PPFIA2: variants seen among roughly 807,000 people sequenced by gnomAD.
PPFIA2 encodes the protein PPFI scaffold protein A2, also known as liprin-alpha-2.
PPFIA2 carries 46 observed loss-of-function variants against 175.5 expected under a neutral mutation model. That is an observed-to-expected ratio of 0.26 (90% CI 0.21 to 0.34). The LOEUF is 0.34. Among genes scored for constraint, PPFIA2 ranks in the 10% least tolerant of loss-of-function variants. The probability of loss-of-function intolerance (pLI) is 1.00; values close to 1 mark genes in which losing one functional copy is unlikely to be tolerated. For synonymous variants in PPFIA2, 568 were observed against 511.4 expected (o/e 1.11, Z -1.49); for missense variants, 1,179 against 1,506.1 (o/e 0.78, Z 3.60).
At chr12:81,292,998 A>T (rs934827494) in intron 24 of PPFIA2, 2 of 152,028 alleles carry the variant, frequency 1.3e-5, no homozygotes, top group African/African-American at 2.4e-5. Context: ...GTATACTGGG[A>T]AGGAAAATGT....
At chr12:81,378,204 C>T (rs2036833093) in intron 9 of PPFIA2, 1 of 151,978 alleles carries the variant, frequency 6.6e-6, no homozygotes, top group Non-Finnish European at 1.5e-5. Context: ...GCCTCCAAAA[C>T]AGTGAGTGAC....
chr12:81,602,236 C>T lies in PPFIA2; in HGVS notation c.303+74555G>A, dbSNP rs115667163. Among the ~76,000 whole-genome samples, 961 of 149,260 alleles carry T rather than the reference C, an allele frequency of 6.4e-3. 13 individuals are homozygous for T. Among genetic ancestry groups the T allele is most frequent in the African/African-American group, 0.023 (919 of 39,136 alleles). On this transcript the variant is annotated intron_variant, in intron 4 of 32. Transcript: ENST00000549396. Reference sequence around the variant, plus strand: ...AGAACAGAATAAATATATTAAAATGCTGATAAACAGAGAAAATACAATATT... The same window carrying T: ...AGAACAGAATAAATATATTAAAATGTTGATAAACAGAGAAAATACAATATT...
At chr12:81,379,801 T>G (rs1054419515) in intron 9 of PPFIA2, among the ~76,000 whole-genome samples, 1 of 152,196 alleles carries the variant, frequency 6.6e-6, no homozygotes, top group Non-Finnish European at 1.5e-5. Context: ...AAAAGTATAT[T>G]CTGAAGCCAT....
chr12:81,554,124 G>A (rs934104648), intron 4 of PPFIA2, among the ~76,000 whole-genome samples: 1 of 152,002 alleles, frequency 6.6e-6, no homozygotes, highest in African/African-American at 2.4e-5. Context: ...GTTGAAGGGT[G>A]CTTCAGTAAT....
intron 4 of PPFIA2, among the ~76,000 whole-genome samples, chr12:81,565,487 A>G (rs923530749): frequency 4.6e-5 from 7 of 152,140 alleles, no homozygotes; most frequent in Non-Finnish European, 7.4e-5. Flanking sequence ...ACTCCTGTCT[A>G]TCTATCTACC....
intron 4 of PPFIA2, among the ~76,000 whole-genome samples, chr12:81,609,874 G>A (rs949767524): frequency 6.6e-6 from 1 of 152,058 alleles, no homozygotes; most frequent in African/African-American, 2.4e-5. Flanking sequence ...GTACCTGAGG[G>A]CTATGCACTT....
At chr12:81,423,724 T>C (rs1402900984) in intron 7 of PPFIA2, among the ~76,000 whole-genome samples, 2 of 152,106 alleles carry the variant, frequency 1.3e-5, no homozygotes, top group Non-Finnish European at 2.9e-5. Context: ...CTTTTTGACA[T>C]AGTACTGAAG....
chr12:81,552,901 TG>T (rs2068175638), intron 4 of PPFIA2, among the ~76,000 whole-genome samples: 1 of 152,090 alleles, frequency 6.6e-6, no homozygotes, highest in South Asian at 2.1e-4. Flanking sequence ...AACAAGTAGT[TG>T]TAATGTAGCC....
intron 22 of PPFIA2, among the ~76,000 whole-genome samples, chr12:81,314,910 T>C (rs563757857): frequency 6.6e-6 from 1 of 151,588 alleles, no homozygotes; most frequent in South Asian, 2.1e-4. Flanking sequence ...GTTTAAATGC[T>C]GATGGGGGAA....
intron 30 of PPFIA2, 127 bp from the exon 31 acceptor site, chr12:81,263,517 C>T (rs1295506073): frequency 7.1e-6 from 5 of 699,906 alleles, no homozygotes; most frequent in Non-Finnish European, 1.1e-5. Flanking sequence ...CGTATGGAAT[C>T]ACGCTTTATC....
At chr12:81,303,890 C>A (rs529165877) in intron 22 of PPFIA2, among the ~76,000 whole-genome samples, 11 of 152,254 alleles carry the variant, frequency 7.2e-5, no homozygotes, top group Admixed American at 3.9e-4. Flanking sequence ...ATTAACCAGG[C>A]GGGTGCAACT....
At chr12:81,582,766 C>T (rs1004324486) in intron 4 of PPFIA2, among the ~76,000 whole-genome samples, 3 of 151,734 alleles carry the variant, frequency 2.0e-5, no homozygotes, top group Non-Finnish European at 4.4e-5. Flanking sequence ...TACCAAATAA[C>T]ATCTATTCAC....
intron 4 of PPFIA2, among the ~76,000 whole-genome samples, chr12:81,668,436 C>A (rs535617017): frequency 6.6e-6 from 1 of 152,012 alleles, no homozygotes; most frequent in Non-Finnish European, 1.5e-5. Context: ...CTTGCATGTC[C>A]GCAAACTCCA....
rs765969899 is a variant in PPFIA2 at position 81,375,951 on chromosome 12, A to C, written c.985-9T>G. 109 of 1,605,066 alleles carry C rather than the reference A, an allele frequency of 6.8e-5. No individual in the cohort carries two copies. Among genetic ancestry groups the C allele is most frequent in the Admixed American group, 2.4e-4 (14 of 58,560 alleles). On this transcript the variant is annotated splice_polypyrimidine_tract_variant and intron_variant, in intron 9 of 32. Transcript: ENST00000549396. ...TCCTTTTGTGCCATGGCCTACAATTAAAATAATTTAGAAAAAGCAAATCAG... is the reference window on the plus strand; with the variant it reads ...TCCTTTTGTGCCATGGCCTACAATTCAAATAATTTAGAAAAAGCAAATCAG...
At chr12:81,474,610 T>A (rs1169451537) in intron 4 of PPFIA2, among the ~76,000 whole-genome samples, 2 of 152,134 alleles carry the variant, frequency 1.3e-5, no homozygotes, top group African/African-American at 2.4e-5. Flanking sequence ...GAGTTTAAAA[T>A]TTTTCTTTTA....
At chr12:81,276,840 T>C (rs2040649373) in intron 28 of PPFIA2, among the ~76,000 whole-genome samples, 1 of 152,200 alleles carries the variant, frequency 6.6e-6, no homozygotes, top group African/African-American at 2.4e-5. Flanking sequence ...AAAATCCTTA[T>C]ATCATTCCTG....
At chr12:81,566,530 C>CAAAAAAAAAAAAAAAAAAA (rs3075452) in intron 4 of PPFIA2, among the ~76,000 whole-genome samples, 48 of 68,418 alleles carry the variant, frequency 7.0e-4, no homozygotes, top group Non-Finnish European at 9.2e-4. Context: ...GACTCCAACT[C>CAAAAAAAAAAAAAAAAAAA]AAAAAAAAAA....
At chr12:81,666,711 T>C (rs1031088157) in intron 4 of PPFIA2, among the ~76,000 whole-genome samples, 6 of 152,058 alleles carry the variant, frequency 3.9e-5, no homozygotes, top group Non-Finnish European at 8.8e-5. Context: ...TGTATACATA[T>C]GTAACTAACC....
intron 3 of PPFIA2, among the ~76,000 whole-genome samples, chr12:81,698,634 T>C (rs2076148008): frequency 6.6e-6 from 1 of 152,118 alleles, no homozygotes; most frequent in South Asian, 2.1e-4. Context: ...TTGTTTATCA[T>C]TTGAAGTAAA....
Sources: allele counts gnomAD v4.1 joint callset (sites outside exome capture counted in the v4.1 genomes callset), GRCh38; gene constraint gnomAD v4.1.1; transcripts MANE v1.5; gene names NCBI Gene and HGNC (gene_info 2026-07-23, HGNC 2026-07-21).